Variants in TSGA10 observed in about 807,000 individuals in gnomAD.
TSGA10 encodes the protein testis-specific gene 10 protein.
TSGA10 carries 43 observed loss-of-function variants against 96.6 expected under a neutral mutation model. That is an observed-to-expected ratio of 0.44 (90% confidence interval 0.35 to 0.57). The LOEUF (loss-of-function observed/expected upper bound fraction) is 0.57. Ranked by LOEUF, TSGA10 falls within the 20% of genes least tolerant of loss-of-function variation. The pLI is 0.01. For synonymous variants in TSGA10, 229 were observed against 269.9 expected, an observed-to-expected ratio of 0.85 and a Z score of 1.48; for missense variants, 703 against 834.4, an observed-to-expected ratio of 0.84 and a Z score of 1.94.
intron 20 of TSGA10, among the ~76,000 whole-genome samples, chr2:99,004,919 C>G (rs998345924): frequency 1.3e-5 from 2 of 152,230 alleles, no homozygotes; most frequent in African/African-American, 4.8e-5. Flanking sequence ...CCAAATCCAG[C>G]AGCACATCAA....
At chr2:99,153,168 G>A (rs1272011541) in intron 1 of TSGA10, among the ~76,000 whole-genome samples, 1 of 152,204 alleles carries the variant, frequency 6.6e-6, no homozygotes, top group Non-Finnish European at 1.5e-5. Flanking sequence ...GGTTGAGGTA[G>A]TCAAATGAAC....
At chr2:99,064,572 G>A (rs2085055204) in intron 16 of TSGA10, among the ~76,000 whole-genome samples, 1 of 152,214 alleles carries the variant, frequency 6.6e-6, no homozygotes, top group Admixed American at 6.5e-5. Flanking sequence ...GGAAAAGGAT[G>A]AGAGAAGTTT....
At chr2:99,026,881 C>A (rs1573591878) in intron 17 of TSGA10, among the ~76,000 whole-genome samples, 1 of 152,202 alleles carries the variant, frequency 6.6e-6, no homozygotes, top group Non-Finnish European at 1.5e-5. Context: ...TCACCAGGAA[C>A]TGGTTTCATG....
chr2:99,003,782 C>G (rs1189661214), intron 20 of TSGA10, among the ~76,000 whole-genome samples: 2 of 152,164 alleles, frequency 1.3e-5, no homozygotes, highest in Admixed American at 6.5e-5. Flanking sequence ...ACCAGAATAT[C>G]TGGGACACAT....
At chr2:99,002,549 C>G (rs1250956347) in intron 20 of TSGA10, among the ~76,000 whole-genome samples, 1 of 152,136 alleles carries the variant, frequency 6.6e-6, no homozygotes, top group African/African-American at 2.4e-5. Flanking sequence ...TTGTAAAGAC[C>G]ATCGAGGCTA....
chr2:99,144,177 C>T (rs982199632), intron 1 of TSGA10, among the ~76,000 whole-genome samples: 3 of 152,092 alleles, frequency 2.0e-5, no homozygotes, highest in Non-Finnish European at 2.9e-5. Context: ...CCCACCACCA[C>T]GCCCGGCTAA....
intron 1 of TSGA10, among the ~76,000 whole-genome samples, chr2:99,148,049 T>C (rs1275232306): frequency 6.6e-6 from 1 of 152,206 alleles, no homozygotes; most frequent in Non-Finnish European, 1.5e-5. Context: ...TCAAGAGCAT[T>C]GGTTGCATCT....
intron 7 of TSGA10, among the ~76,000 whole-genome samples, chr2:99,106,376 C>T (rs116339490): frequency 1.2e-4 from 19 of 152,262 alleles, no homozygotes; most frequent in Non-Finnish European, 2.5e-4. Context: ...CCTAAAGTGT[C>T]TTCTAAGATC....
intron 1 of TSGA10, chr2:99,150,511 C>A: frequency 6.4e-7 from 1 of 1,572,282 alleles, no homozygotes; most frequent in Admixed American, 1.9e-5. Context: ...ACTTCCACTA[C>A]TTAAAAAGGT....
intron 4 of TSGA10, among the ~76,000 whole-genome samples, chr2:99,113,599 G>A (rs759312124): frequency 3.9e-5 from 6 of 152,158 alleles, no homozygotes; most frequent in Admixed American, 6.5e-5. Flanking sequence ...AGGCTGGAGC[G>A]CAGTGGCGTG....
intron 1 of TSGA10, chr2:99,151,169 A>G (rs1047621120): frequency 3.4e-5 from 6 of 175,798 alleles, no homozygotes; most frequent in African/African-American, 1.4e-4. Flanking sequence ...GGTTAAAAAA[A>G]GTGTCCAAGC....
At chr2:99,069,445 T>C (rs2085654042) in intron 14 of TSGA10, among the ~76,000 whole-genome samples, 1 of 152,040 alleles carries the variant, frequency 6.6e-6, no homozygotes, top group Non-Finnish European at 1.5e-5. Flanking sequence ...GACAAAAATG[T>C]TGATTATTTT....
chr2:99,152,583 GAC>G (rs1207018070), intron 1 of TSGA10, among the ~76,000 whole-genome samples: 1 of 152,100 alleles, frequency 6.6e-6, no homozygotes, highest in Non-Finnish European at 1.5e-5. Context: ...CGTATCTCAG[GAC>G]ATTTTTGAAA....
chr2:99,072,850 A>T (rs1180543088), intron 13 of TSGA10, among the ~76,000 whole-genome samples, 168 bp downstream of exon 13: 1 of 152,128 alleles, frequency 6.6e-6, no homozygotes, highest in East Asian at 1.9e-4. Flanking sequence ...TTTACTTGGC[A>T]AACACCATCC....
chr2:99,087,199 G>A (rs990149868), intron 10 of TSGA10, among the ~76,000 whole-genome samples: 2 of 149,364 alleles, frequency 1.3e-5, no homozygotes, highest in African/African-American at 2.5e-5. Context: ...GCAACACTCC[G>A]TCTCAAAAAA....
chr2:99,101,160 C>T (rs1481943311), intron 10 of TSGA10, among the ~76,000 whole-genome samples: 2 of 128,372 alleles, frequency 1.6e-5, no homozygotes, highest in African/African-American at 2.9e-5. Flanking sequence ...AGGAGAATGG[C>T]GTGAACCCGG....
intron 10 of TSGA10, among the ~76,000 whole-genome samples, chr2:99,088,284 C>T (rs2088821569): frequency 6.6e-6 from 1 of 152,132 alleles, no homozygotes; most frequent in Non-Finnish European, 1.5e-5. Flanking sequence ...ATGACTTTTA[C>T]AATATGTGGT....
chr2:99,021,569 G>A (rs2080005849), intron 17 of TSGA10, among the ~76,000 whole-genome samples: 1 of 152,116 alleles, frequency 6.6e-6, no homozygotes, highest in Non-Finnish European at 1.5e-5. Flanking sequence ...TACTAGTTCA[G>A]GGCTTCTTAC....
At chr2:99,081,749 A>G (rs796694061) in intron 10 of TSGA10, among the ~76,000 whole-genome samples, 3 of 152,270 alleles carry the variant, frequency 2.0e-5, no homozygotes, top group African/African-American at 7.2e-5. Flanking sequence ...CAGAAACAAG[A>G]TGAGGCCATA....
Sources: allele counts gnomAD v4.1 joint callset (sites outside exome capture counted in the v4.1 genomes callset), GRCh38; gene constraint gnomAD v4.1.1; transcripts MANE v1.5; gene names NCBI Gene and HGNC (gene_info 2026-07-23, HGNC 2026-07-21).